GBP3: variants seen among roughly 807,000 people sequenced by gnomAD.
The protein encoded by GBP3 is guanylate binding protein 3.
GBP3 carries 55 observed loss-of-function variants against 62.4 expected under a neutral mutation model. That is an observed-to-expected ratio of 0.88 (90% confidence interval 0.71 to 1.10). GBP3 has a LOEUF of 1.10. GBP3 is among the 50% of genes least tolerant of loss of function. The pLI is 0.00. For synonymous variants in GBP3, 208 were observed against 259.2 expected, an observed-to-expected ratio of 0.80 and a Z score of 1.90; for missense variants, 605 against 690.6, an observed-to-expected ratio of 0.88 and a Z score of 1.39.
In GBP3 at chr1:89,006,833, C is replaced by CA. The variant is rs1303299622; in HGVS notation, c.*890dup. ...ATTATTTTATTGCTCAAAAGAAAGT[C>CA]AAAAAAATTCCATATTCCCTTTGGG... On this transcript the variant is annotated 3_prime_UTR_variant, in exon 11 of 11. Transcript: ENST00000370481. 3 of 152,030 alleles carry CA rather than the reference C, an allele frequency of 2.0e-5. No individual in the cohort carries two copies. The highest frequency in any genetic ancestry group is 2.9e-5 in the Non-Finnish European group (2 of 67,980). The allele number at this position is 152,030 out of a possible 1,614,324, so 9.4% of individuals were successfully genotyped here.
Position 89,007,695 on chromosome 1 carries a change from G to T in GBP3, c.*29C>A, listed in dbSNP as rs1172576613. Reference sequence around the variant, plus strand: ...TCTAAAATTGTTTCAGTTATGCCTTGGGTTAGGATGACAGAAAAGCTCTGT... The same window carrying T: ...TCTAAAATTGTTTCAGTTATGCCTTTGGTTAGGATGACAGAAAAGCTCTGT... On this transcript the variant is annotated 3_prime_UTR_variant, in exon 11 of 11. Coordinates refer to ENST00000370481, the MANE Select transcript of GBP3 (RefSeq NM_018284.3). The T allele has an allele frequency of 7.5e-6, 12 of 1,591,380 alleles. No homozygotes were observed. In the Admixed American group the frequency reaches 1.1e-4, roughly 14 times the overall value.
At position 89,014,568 on chromosome 1, in the gene GBP3, T is replaced by G. The variant is rs1221893905; in HGVS notation, c.407A>C (p.Gln136Pro). The change falls in exon 4 of 11, where the codon CAG becomes CCG. Residue 136 changes from glutamine to proline, a missense_variant. Coordinates refer to ENST00000370481, the MANE Select transcript of GBP3 (RefSeq NM_018284.3). Reference sequence around the variant, plus strand: ...ATACTACAGTTGGTCCATAGCCTGCTGGTTGATGGTTCCCATGCTATTGTA... The same window carrying G: ...ATACTACAGTTGGTCCATAGCCTGCGGGTTGATGGTTCCCATGCTATTGTA... The part of the protein sequence containing the change: ...LVYNSMGTIN[Q>P]QAMDQLYYVT... The G allele has an allele frequency of 1.2e-6, 2 of 1,614,044 alleles. No individual in the cohort carries two copies. The highest frequency in any genetic ancestry group is 3.3e-5 in the Admixed American group (2 of 60,004).
At position 89,014,009 on chromosome 1, in the gene GBP3, A is replaced by G. The variant is rs1399199556; in HGVS notation, c.625+74T>C. ...AGAAAACTGTAAATGTGAGAAAACT[A>G]TCAATAGTAAACTAAAAAATGATAA... On this transcript the variant is annotated intron_variant, in intron 5 of 10. Coordinates refer to ENST00000370481, the MANE Select transcript of GBP3 (RefSeq NM_018284.3). The G allele has an allele frequency of 1.9e-5, 28 of 1,461,818 alleles. No individual in the cohort carries two copies. The South Asian group carries it at 2.8e-4, about 15-fold the overall frequency. 90.6% of individuals were successfully genotyped at this position (1,461,818 alleles called of 1,614,324 possible).
At chr1:89,018,283 G>C (rs1678995872) in intron 2 of GBP3, among the ~76,000 whole-genome samples, 1 of 152,188 alleles carries the variant, frequency 6.6e-6, no homozygotes, top group African/African-American at 2.4e-5. Context: ...TGTGCAGTCA[G>C]GGAGGTTTCA....
rs1262287067 is a variant in GBP3 at position 89,021,548 on chromosome 1, C to CCCCA, written c.-22-806_-22-805insTGGG. Among the ~76,000 whole-genome samples the CCCCA allele has an allele frequency of 4.2e-5, 4 of 95,814 alleles. No individual in the cohort carries two copies. In the East Asian group the frequency reaches 8.0e-4, roughly 19 times the overall value. 62.9% of individuals were successfully genotyped at this position (95,814 alleles called of 152,430 possible). On this transcript the variant is annotated intron_variant, in intron 1 of 10. Coordinates refer to ENST00000370481, the MANE Select transcript of GBP3 (RefSeq NM_018284.3). ...CACACACACACACACACACACACCCCAAAAAAACCAAACCAAACAAACAAC... is the reference window on the plus strand; with the variant it reads ...CACACACACACACACACACACACCCCCCCAAAAAAAACCAAACCAAACAAACAAC...
intron 5 of GBP3, 169 bp downstream of exon 5, chr1:89,013,914 C>A: frequency 1.5e-6 from 1 of 655,764 alleles, no homozygotes; most frequent in Non-Finnish European, 2.5e-6. Context: ...TCCTTTTTTC[C>A]TTTTTTCAAA....
chr1:89,022,098 G>C (rs1034075830), intron 1 of GBP3, among the ~76,000 whole-genome samples: 4 of 151,756 alleles, frequency 2.6e-5, no homozygotes, highest in Non-Finnish European at 5.9e-5. Flanking sequence ...TCTTTAGCCT[G>C]GATTATTTCT....
At chr1:89,009,802 GC>G (rs1458323200) in intron 8 of GBP3, among the ~76,000 whole-genome samples, 1 of 152,140 alleles carries the variant, frequency 6.6e-6, no homozygotes, top group African/African-American at 2.4e-5. Context: ...GGAGAATGAA[GC>G]CCTCCTTGAG....
At chr1:89,016,618 T>G (rs1252517484) in intron 2 of GBP3, among the ~76,000 whole-genome samples, 1 of 151,888 alleles carries the variant, frequency 6.6e-6, no homozygotes, top group African/African-American at 2.4e-5. Context: ...AGTCTCACGG[T>G]GTCATCCAGG....
At chr1:89,007,941 G>A (rs61766155) in intron 10 of GBP3, 89 bp from the exon 11 acceptor site, 245,791 of 1,224,634 alleles carry the variant, frequency 0.2, 28,134 homozygotes, top group Non-Finnish European at 0.24. Context: ...GATTTATTTA[G>A]TACTTAGTTT....
chr1:89,015,427 G>T lies in GBP3; in HGVS notation c.191-13C>A. On this transcript the variant is annotated splice_polypyrimidine_tract_variant and intron_variant, in intron 2 of 10. Transcript: ENST00000370481. The stretch of plus-strand genomic sequence containing the variant: ...CCCAGAGAGAAGCCTGTAAAGGAGA[G>T]ATGGGATAAGAAGGGCTGGAGGTTT... The T allele has an allele frequency of 1.9e-6, 3 of 1,607,566 alleles. No homozygotes were observed. Among genetic ancestry groups the T allele is most frequent in the Non-Finnish European group, 2.5e-6 (3 of 1,177,764 alleles).
At chr1:89,009,367 T>A (rs1678422344) in intron 9 of GBP3, 25 bp downstream of exon 9, 8 of 1,607,700 alleles carry the variant, frequency 5.0e-6, no homozygotes, top group Non-Finnish European at 4.3e-6. Flanking sequence ...TTTAGGATAA[T>A]CTGATCCTTT....
chr1:89,014,946 TAATTTA>T (rs2101149132), intron 3 of GBP3, among the ~76,000 whole-genome samples: 3 of 152,358 alleles, frequency 2.0e-5, no homozygotes, highest in African/African-American at 7.2e-5. Context: ...GCCTGAAGTA[TAATTTA>T]AACTTGCTCA....
At chr1:89,007,942 T>C (rs762129390) in intron 10 of GBP3, 90 bp from the exon 11 acceptor site, 59 of 1,200,422 alleles carry the variant, frequency 4.9e-5, no homozygotes, top group Non-Finnish European at 6.5e-5. Flanking sequence ...ATTTATTTAG[T>C]ACTTAGTTTT....
chr1:89,021,848 A>G (rs1361696205), intron 1 of GBP3, among the ~76,000 whole-genome samples: 1 of 148,652 alleles, frequency 6.7e-6, no homozygotes, highest in Non-Finnish European at 1.5e-5. Context: ...CCAGCAAGGG[A>G]GATGTCAGAC....
At position 89,021,510 on chromosome 1, in the gene GBP3, G is replaced by GCGCACACACA. The variant is rs751639388; in HGVS notation, c.-22-768_-22-767insTGTGTGTGCG. Among the ~76,000 whole-genome samples the GCGCACACACA allele has an allele frequency of 9.8e-3, 1,291 of 131,710 alleles. 23 individuals are homozygous for GCGCACACACA. Among genetic ancestry groups the GCGCACACACA allele is most frequent in the African/African-American group, 0.035 (1,173 of 33,266 alleles). The allele number at this position is 131,710 out of a possible 152,430, so 86.4% of individuals were successfully genotyped here. A position where few individuals can be genotyped will look rare whatever the true frequency, so the allele number is the denominator to read the frequency against. On this transcript the variant is annotated intron_variant, in intron 1 of 10. Coordinates refer to ENST00000370481, the MANE Select transcript of GBP3 (RefSeq NM_018284.3). ...CTAAGAAACACGCATGCGCGCGCGC[G>GCGCACACACA]CACACACACACACACACACACACAC... is the stretch of plus-strand genomic sequence containing the variant.
intron 8 of GBP3, among the ~76,000 whole-genome samples, chr1:89,010,462 C>T (rs1185103539): frequency 1.5e-5 from 2 of 137,286 alleles, no homozygotes; most frequent in Admixed American, 7.5e-5. Flanking sequence ...CTCTGTTGCC[C>T]AGGCCAGAGT....
chr1:89,012,308 C>T (rs374641959), intron 6 of GBP3, among the ~76,000 whole-genome samples: 2 of 138,926 alleles, frequency 1.4e-5, no homozygotes, highest in South Asian at 4.7e-4. Flanking sequence ...ATGTTTGCAT[C>T]CATTTCAACC....
At chr1:89,011,241 A>G (rs1479439454) in intron 7 of GBP3, 125 bp from the exon 8 acceptor site, 1 of 1,220,940 alleles carries the variant, frequency 8.2e-7, no homozygotes. Context: ...CAGACTCCTC[A>G]GCAGGACCAC....
Sources: allele counts gnomAD v4.1 joint callset (sites outside exome capture counted in the v4.1 genomes callset), GRCh38; gene constraint gnomAD v4.1.1; transcripts MANE v1.5; gene names NCBI Gene and HGNC (gene_info 2026-07-23, HGNC 2026-07-21).